PLXDC2: variants seen among roughly 807,000 people sequenced by gnomAD.
PLXDC2 encodes plexin domain containing 2, also known as plexin domain-containing protein 2.
Under a neutral mutation model 68.9 loss-of-function variants are expected in PLXDC2, and 40 were observed. The ratio of observed to expected loss-of-function variants is 0.58; its 90% CI spans 0.45 to 0.76. The LOEUF is 0.76. Among genes scored for constraint, PLXDC2 ranks in the 30% least tolerant of loss-of-function variants. The pLI is 0.00. For synonymous variants in PLXDC2, 243 were observed against 234.2 expected, an observed-to-expected ratio of 1.04 and a Z score of -0.34; for missense variants, 644 against 661.9, an observed-to-expected ratio of 0.97 and a Z score of 0.30.
intron 13 of PLXDC2, among the ~76,000 whole-genome samples, chr10:20,272,148 T>G (rs186357908): frequency 6.6e-6 from 1 of 152,092 alleles, no homozygotes; most frequent in Non-Finnish European, 1.5e-5. Context: ...TTAAAAAGAT[T>G]TGGGAACACT....
At chr10:19,929,920 G>T (rs1057493730) in intron 1 of PLXDC2, among the ~76,000 whole-genome samples, 9 of 152,282 alleles carry the variant, frequency 5.9e-5, no homozygotes, top group South Asian at 2.1e-4. Flanking sequence ...AAGCACTGTG[G>T]TGCTAAGTTT....
At chr10:19,987,059 A>G (rs1834653593) in intron 1 of PLXDC2, among the ~76,000 whole-genome samples, 1 of 152,156 alleles carries the variant, frequency 6.6e-6, no homozygotes, top group African/African-American at 2.4e-5. Context: ...CTCAAGTACT[A>G]CCACTGTTTG....
At chr10:20,125,115 C>G (rs769976855) in intron 4 of PLXDC2, among the ~76,000 whole-genome samples, 11 of 151,916 alleles carry the variant, frequency 7.2e-5, no homozygotes, top group Non-Finnish European at 1.6e-4. Flanking sequence ...CAGCTTGATC[C>G]CAGTAATGTC....
intron 12 of PLXDC2, among the ~76,000 whole-genome samples, chr10:20,228,825 G>A (rs1835321776): frequency 6.6e-6 from 1 of 152,074 alleles, no homozygotes; most frequent in African/African-American, 2.4e-5. Flanking sequence ...TTTCAAGGAG[G>A]AAGTAGTGAA....
chr10:19,904,211 G>A (rs1838205046), intron 1 of PLXDC2, among the ~76,000 whole-genome samples: 1 of 152,286 alleles, frequency 6.6e-6, no homozygotes, highest in East Asian at 1.9e-4. Flanking sequence ...TTGTTGTAGT[G>A]TATAGTTTAA....
At chr10:19,853,861 CA>C (rs1018158777) in intron 1 of PLXDC2, among the ~76,000 whole-genome samples, 1 of 152,150 alleles carries the variant, frequency 6.6e-6, no homozygotes, top group Non-Finnish European at 1.5e-5. Flanking sequence ...TGGCTTCTCC[CA>C]TCTTTTGTGT....
chr10:20,238,692 T>TATATATATATATATATATATATATAC (rs778584936), intron 12 of PLXDC2, among the ~76,000 whole-genome samples: 1 of 118,314 alleles, frequency 8.5e-6, no homozygotes, highest in South Asian at 2.6e-4. Context: ...TATATATATA[T>TATATATATATATATATATATATATAC]ACACACATAT....
chr10:20,257,340 T>C (rs1392104547), intron 13 of PLXDC2, among the ~76,000 whole-genome samples: 1 of 152,220 alleles, frequency 6.6e-6, no homozygotes, highest in Non-Finnish European at 1.5e-5. Flanking sequence ...CAGTATTGTA[T>C]ATGTTTCATG....
chr10:20,108,366 A>G (rs767878593), intron 4 of PLXDC2, among the ~76,000 whole-genome samples: 1 of 152,228 alleles, frequency 6.6e-6, no homozygotes, highest in Non-Finnish European at 1.5e-5. Flanking sequence ...AAGGCATCCT[A>G]CAATTCTTAG....
intron 2 of PLXDC2, among the ~76,000 whole-genome samples, chr10:20,004,770 A>G (rs1354269509): frequency 1.3e-5 from 2 of 152,184 alleles, no homozygotes; most frequent in Non-Finnish European, 2.9e-5. Context: ...ACTCCTGAAA[A>G]TACAATCCCG....
chr10:19,817,000 C>A lies in PLXDC2; in HGVS notation c.-80C>A. On this transcript the variant is annotated 5_prime_UTR_variant, in exon 1 of 14. Transcript: ENST00000377252. ...CCGAGACCGATCCGCAGCGTTTGGC[C>A]CGGTCGTGCCTATTGCATCGGGAGC... 1 of 1,054,964 alleles carries A rather than the reference C, an allele frequency of 9.5e-7. No homozygotes were observed. The highest frequency in any genetic ancestry group is 1.4e-6 in the Non-Finnish European group (1 of 712,524). 65.4% of individuals were successfully genotyped at this position (1,054,964 alleles called of 1,614,324 possible).
chr10:19,933,967 A>G (rs1482472245), intron 1 of PLXDC2, among the ~76,000 whole-genome samples: 1 of 152,174 alleles, frequency 6.6e-6, no homozygotes, highest in Non-Finnish European at 1.5e-5. Context: ...ACTTTGAGCA[A>G]TCATTTTTTC....
intron 10 of PLXDC2, among the ~76,000 whole-genome samples, chr10:20,214,838 T>A (rs1359605473): frequency 6.6e-6 from 1 of 152,164 alleles, no homozygotes; most frequent in Non-Finnish European, 1.5e-5. Flanking sequence ...GTCCTGTTCA[T>A]TGACAGTAGA....
chr10:20,191,605 G>A (rs1834765535), intron 9 of PLXDC2, among the ~76,000 whole-genome samples: 1 of 151,060 alleles, frequency 6.6e-6, no homozygotes, highest in East Asian at 2.0e-4. Flanking sequence ...AAATCACAGG[G>A]GCCCTGGTGT....
chr10:20,023,042 G>T (rs768604576), intron 2 of PLXDC2, among the ~76,000 whole-genome samples: 10 of 149,772 alleles, frequency 6.7e-5, no homozygotes, highest in African/African-American at 2.0e-4. Context: ...GCAAAAAAAG[G>T]CTCTTAATTT....
chr10:19,817,894 C>T lies in PLXDC2; in HGVS notation c.112+703C>T, dbSNP rs563262882. 8.5e-5 allele frequency among the ~76,000 whole-genome samples: 13 copies of T among 152,294 alleles called. No homozygotes were observed. In the East Asian group the frequency reaches 2.5e-3, roughly 29 times the overall value. On this transcript the variant is annotated intron_variant, in intron 1 of 13. Coordinates refer to ENST00000377252, the MANE Select transcript of PLXDC2 (RefSeq NM_032812.9). ...CCTTGGAGTGCCCTGATTTTGTCCC[C>T]GAGAGGGCCCCCAACCTCCGCATCC...
At chr10:19,946,846 G>A (rs936517348) in intron 1 of PLXDC2, among the ~76,000 whole-genome samples, 7 of 152,128 alleles carry the variant, frequency 4.6e-5, no homozygotes, top group African/African-American at 7.2e-5. Context: ...AAGTGCCATC[G>A]CTGATCCGAC....
At position 19,928,582 on chromosome 10, in the gene PLXDC2, C is replaced by T. The variant is rs116137912; in HGVS notation, c.113-73193C>T. On this transcript the variant is annotated intron_variant, in intron 1 of 13. Coordinates refer to ENST00000377252, the MANE Select transcript of PLXDC2 (RefSeq NM_032812.9). ...TATGGGGGCACTTGGGAGACCATCC[C>T]GTGATGAAGTGTGCCAGAGATCCAG... Among the ~76,000 whole-genome samples the T allele has an allele frequency of 8.4e-3, 1,277 of 152,152 alleles. 25 individuals carry two copies. The highest frequency in any genetic ancestry group is 0.029 in the African/African-American group (1,209 of 41,512).
At chr10:20,174,248 G>T (rs1589665329) in intron 7 of PLXDC2, among the ~76,000 whole-genome samples, 1 of 151,948 alleles carries the variant, frequency 6.6e-6, no homozygotes, top group East Asian at 1.9e-4. Flanking sequence ...GCAATACGTA[G>T]GAATGAATAC....
Sources: gnomAD v4.1 joint callset for allele counts (sites outside exome capture counted in the v4.1 genomes callset) on GRCh38, gnomAD v4.1.1 for gene constraint, MANE v1.5 for transcripts, NCBI Gene and HGNC (gene_info 2026-07-23, HGNC 2026-07-21) for gene names.